DMD: variants seen among roughly 807,000 people sequenced by gnomAD.
DMD encodes the protein mutant dystrophin.
DMD carries 63 observed loss-of-function variants against 330.1 expected under a neutral mutation model. That is an observed-to-expected ratio of 0.19 (90% CI 0.16 to 0.24). The LOEUF is 0.24. DMD is among the 10% of genes least tolerant of loss of function. DMD has a pLI of 1.00. For synonymous variants in DMD, 1,223 were observed against 959.8 expected, an observed-to-expected ratio of 1.27 and a Z score of -5.07; for missense variants, 3,344 against 2,684.1, an observed-to-expected ratio of 1.25 and a Z score of -5.43.
chrX:31,149,161 C>A (rs1165600208), intron 74 of DMD, among the ~76,000 whole-genome samples: 1 of 112,275 alleles, frequency 8.9e-6, no homozygotes, highest in Non-Finnish European at 1.9e-5. Flanking sequence ...AACATGCGAT[C>A]TAATTTTACT....
rs752305761 is a variant in DMD at position 31,120,134 on chromosome X, T to C, written c.*1785A>G. ...GTCAGAGGTAACAGATTTGCAAAAT[T>C]ATAGGTCACACGGTGGTATCTATTG... On this transcript the variant is annotated 3_prime_UTR_variant, in exon 79 of 79. Transcript: ENST00000357033. 8.9e-6 allele frequency: 1 copy of C among 111,983 alleles called. No homozygotes were observed. The highest frequency in any genetic ancestry group is 3.3e-5 in the African/African-American group (1 of 30,763). 9.2% of individuals were successfully genotyped at this position (111,983 alleles called of 1,213,427 possible).
At chrX:32,389,423 C>T (rs766266778) in intron 32 of DMD, 78 bp downstream of exon 32, 2 of 1,035,064 alleles carry the variant, frequency 1.9e-6, no homozygotes, top group East Asian at 3.1e-5. Flanking sequence ...GAAAACAATT[C>T]TCTCTTATAA....
intron 1 of DMD, among the ~76,000 whole-genome samples, chrX:33,168,321 C>T (rs1020191277): frequency 1.0e-4 from 11 of 110,339 alleles, no homozygotes; most frequent in Admixed American, 7.8e-4. Context: ...TCAGAAAGAA[C>T]GTTGGGATCC....
intron 1 of DMD, among the ~76,000 whole-genome samples, chrX:33,286,171 G>A (rs889743857): frequency 9.0e-6 from 1 of 111,220 alleles, no homozygotes; most frequent in African/African-American, 3.3e-5. Context: ...ACTGTACAAT[G>A]TTCCACCAAA....
chrX:32,765,965 A>G (rs1368630161), intron 7 of DMD, among the ~76,000 whole-genome samples: 1 of 111,725 alleles, frequency 9.0e-6, no homozygotes, highest in Non-Finnish European at 1.9e-5. Flanking sequence ...TCATTAAAAA[A>G]TCATTAAAAA....
At chrX:32,090,984 TA>T (rs1429430378) in intron 44 of DMD, among the ~76,000 whole-genome samples, 1 of 112,242 alleles carries the variant, frequency 8.9e-6, no homozygotes, top group African/African-American at 3.2e-5. Flanking sequence ...AGACAACTAA[TA>T]AATAAGCCAG....
intron 12 of DMD, among the ~76,000 whole-genome samples, chrX:32,605,866 A>G (rs930557817): frequency 1.8e-5 from 2 of 110,407 alleles, no homozygotes; most frequent in African/African-American, 3.3e-5. Context: ...ACCAATCAGT[A>G]TGGCTATTAT....
intron 76 of DMD, among the ~76,000 whole-genome samples, chrX:31,144,608 A>T (rs1249216048): frequency 8.9e-6 from 1 of 111,889 alleles, no homozygotes; most frequent in Non-Finnish European, 1.9e-5. Context: ...GAGCTCAAGT[A>T]TGAAATGAAT....
chrX:32,873,274 C>T (rs953338162), intron 2 of DMD, among the ~76,000 whole-genome samples: 2 of 110,172 alleles, frequency 1.8e-5, no homozygotes, highest in East Asian at 5.7e-4. Flanking sequence ...TGGCTACCAA[C>T]ATCTCTAGGA....
intron 62 of DMD, chrX:31,261,902 T>C (rs1353346252): frequency 8.9e-6 from 1 of 112,171 alleles, no homozygotes; most frequent in Non-Finnish European, 1.9e-5. Context: ...TAAAATGCAG[T>C]TCTGAATGAT....
At chrX:31,588,381 T>C (rs1241273466) in intron 55 of DMD, among the ~76,000 whole-genome samples, 1 of 111,088 alleles carries the variant, frequency 9.0e-6, no homozygotes, top group African/African-American at 3.3e-5. Flanking sequence ...ACCAAACCAA[T>C]ATTTCCCCCA....
chrX:32,759,759 C>A (rs1160956587), intron 7 of DMD, among the ~76,000 whole-genome samples: 2 of 104,215 alleles, frequency 1.9e-5, no homozygotes, highest in Non-Finnish European at 3.8e-5. Context: ...CAGAGAGCTA[C>A]AACTACAGAC....
chrX:32,764,097 G>T (rs766132293), intron 7 of DMD, among the ~76,000 whole-genome samples: 15 of 102,848 alleles, frequency 1.5e-4, no homozygotes, highest in East Asian at 6.1e-4. Context: ...TTAAGTTGAG[G>T]TTTTTTTTTT....
At chrX:32,884,082 C>T (rs2084287921) in intron 2 of DMD, among the ~76,000 whole-genome samples, 1 of 110,371 alleles carries the variant, frequency 9.1e-6, no homozygotes, top group Admixed American at 9.8e-5. Flanking sequence ...CTTAAACATG[C>T]CATCCTCAAT....
intron 17 of DMD, among the ~76,000 whole-genome samples, chrX:32,524,076 GCGCCCGCCACCA>G (rs1485435731): frequency 9.2e-6 from 1 of 108,946 alleles, no homozygotes; most frequent in Non-Finnish European, 1.9e-5. Context: ...GGGACCACAG[GCGCCCGCCACCA>G]CGCCCGGCTA....
intron 16 of DMD, among the ~76,000 whole-genome samples, chrX:32,552,638 C>T (rs2049706794): frequency 5.4e-5 from 6 of 111,870 alleles, no homozygotes; most frequent in Admixed American, 4.8e-4. Context: ...AACAGACAAC[C>T]TGCAGAATGG....
chrX:31,783,245 T>C (rs1192649744), intron 50 of DMD, among the ~76,000 whole-genome samples: 1 of 111,877 alleles, frequency 8.9e-6, no homozygotes, highest in Non-Finnish European at 1.9e-5. Context: ...TGGGTTTGTT[T>C]ATTCAATTTT....
At chrX:32,283,821 T>C (rs1286983940) in intron 43 of DMD, among the ~76,000 whole-genome samples, 1 of 111,579 alleles carries the variant, frequency 9.0e-6, no homozygotes, top group Non-Finnish European at 1.9e-5. Flanking sequence ...AGAGACTACA[T>C]GACCTGCAGG....
intron 61 of DMD, among the ~76,000 whole-genome samples, chrX:31,346,373 C>T (rs926141989): frequency 9.0e-6 from 1 of 110,972 alleles, no homozygotes; most frequent in Non-Finnish European, 1.9e-5. Flanking sequence ...AAAGTAATTG[C>T]GTTAAAATGA....
Sources: gnomAD v4.1 joint callset for allele counts (sites outside exome capture counted in the v4.1 genomes callset) on GRCh38, gnomAD v4.1.1 for gene constraint, MANE v1.5 for transcripts, NCBI Gene and HGNC (gene_info 2026-07-23, HGNC 2026-07-21) for gene names.